Variants in ZMIZ1 observed in about 807,000 individuals in gnomAD.
ZMIZ1 encodes zinc finger MIZ domain-containing protein 1.
Under a neutral mutation model 113.9 loss-of-function variants are expected in ZMIZ1, and 17 were observed. That is an observed-to-expected ratio of 0.15 (90% CI 0.10 to 0.22). The LOEUF is 0.22. Ranked by LOEUF, ZMIZ1 falls within the 10% of genes least tolerant of loss-of-function variation. The pLI is 1.00. For missense variants in ZMIZ1, 1,059 were observed against 1,477.8 expected (o/e 0.72, Z 4.65); for synonymous variants, 607 against 603.1 (o/e 1.01, Z -0.09).
chr10:79,153,158 C>T (rs977947548), intron 3 of ZMIZ1, among the ~76,000 whole-genome samples: 1 of 152,222 alleles, frequency 6.6e-6, no homozygotes. Context: ...CTGGGAAGCC[C>T]CTGGGGAGGC....
chr10:79,259,397 C>T (rs1851117052), intron 7 of ZMIZ1, among the ~76,000 whole-genome samples: 1 of 152,114 alleles, frequency 6.6e-6, no homozygotes, highest in Non-Finnish European at 1.5e-5. Context: ...GAGCCCAACT[C>T]CCCAGAACCC....
intron 7 of ZMIZ1, among the ~76,000 whole-genome samples, chr10:79,219,990 C>A (rs1055749597): frequency 1.3e-5 from 2 of 152,108 alleles, no homozygotes; most frequent in African/African-American, 4.8e-5. Flanking sequence ...CTCTACCTGG[C>A]GGTTTTATTT....
In ZMIZ1 at chr10:79,083,371, G is replaced by A. The variant is rs992814646; in HGVS notation, c.-337+14101G>A. 3.3e-5 allele frequency among the ~76,000 whole-genome samples: 5 copies of A among 152,318 alleles called. No individual in the cohort carries two copies. The South Asian group carries it at 8.3e-4, about 25-fold the overall frequency. Reference sequence around the variant, plus strand: ...GCCCTGTGGCAGATGCTTGTTTGGCGTGGTCTGGGAAAAGCAGGGAGGCCA... The same window carrying A: ...GCCCTGTGGCAGATGCTTGTTTGGCATGGTCTGGGAAAAGCAGGGAGGCCA... On this transcript the variant is annotated intron_variant, in intron 1 of 24. Coordinates refer to ENST00000334512, the MANE Select transcript of ZMIZ1 (RefSeq NM_020338.4).
intron 7 of ZMIZ1, among the ~76,000 whole-genome samples, chr10:79,233,772 T>C (rs1303904607): frequency 1.3e-5 from 1 of 75,732 alleles, no homozygotes; most frequent in Non-Finnish European, 2.5e-5. Flanking sequence ...GCCCAAAGAT[T>C]GGTAGGGAGG....
Position 79,313,138 on chromosome 10 carries a change from C to A in ZMIZ1, c.*389C>A. On this transcript the variant is annotated 3_prime_UTR_variant, in exon 25 of 25. Transcript: ENST00000334512. The stretch of plus-strand genomic sequence containing the variant: ...CCCCAAGGTTCTTCCATCTTCTAGA[C>A]TGTAACCCTGCCTCCCTGCTTCCTG... The A allele has an allele frequency of 5.3e-6, 1 of 187,598 alleles. No individual in the cohort carries two copies. The highest frequency in any genetic ancestry group is 1.1e-5 in the Non-Finnish European group (1 of 89,280). The allele number at this position is 187,598 out of a possible 1,614,324, so 11.6% of individuals were successfully genotyped here.
rs926133572 is a variant in ZMIZ1 at position 79,125,505 on chromosome 10, A to ACTGAGG, written c.-227+6482_-227+6487dup. On this transcript the variant is annotated intron_variant, in intron 2 of 24. Coordinates refer to ENST00000334512, the MANE Select transcript of ZMIZ1 (RefSeq NM_020338.4). ...GTAAAGAGTTTCCTGGGTGTTACTT[A>ACTGAGG]CTGAGGGCGCTTCTCCCTCCCACTG... 7.2e-4 allele frequency among the ~76,000 whole-genome samples: 110 copies of ACTGAGG among 152,256 alleles called. 2 individuals are homozygous for ACTGAGG. Among genetic ancestry groups the ACTGAGG allele is most frequent in the African/African-American group, 2.3e-3 (97 of 41,550 alleles).
chr10:79,072,273 C>T (rs1451244867), intron 1 of ZMIZ1, among the ~76,000 whole-genome samples: 1 of 152,190 alleles, frequency 6.6e-6, no homozygotes, highest in Admixed American at 6.5e-5. Context: ...CACGCACGCG[C>T]GCACGCACAC....
At chr10:79,152,651 G>C (rs1290169299) in intron 3 of ZMIZ1, among the ~76,000 whole-genome samples, 2 of 152,386 alleles carry the variant, frequency 1.3e-5, no homozygotes, top group East Asian at 3.9e-4. Context: ...AGGCAGCACT[G>C]TGGGCTGGTG....
chr10:79,251,883 G>A (rs1850574518), intron 7 of ZMIZ1, among the ~76,000 whole-genome samples: 2 of 152,200 alleles, frequency 1.3e-5, no homozygotes, highest in African/African-American at 2.4e-5. Flanking sequence ...CCAAAACAGA[G>A]AAACGCCCTA....
intron 4 of ZMIZ1, among the ~76,000 whole-genome samples, chr10:79,201,085 A>G (rs1848060158): frequency 6.6e-6 from 1 of 152,108 alleles, no homozygotes; most frequent in African/African-American, 2.4e-5. Context: ...AGGTGGGCGG[A>G]TCACCTGAGG....
rs376830372 is a variant in ZMIZ1, at chr10:79,222,477, C to T, written c.280+6203C>T. Among the ~76,000 whole-genome samples, 5 of 152,282 alleles carry T rather than the reference C, an allele frequency of 3.3e-5. No individual in the cohort carries two copies. The East Asian group carries it at 5.8e-4, about 18-fold the overall frequency. On this transcript the variant is annotated intron_variant, in intron 7 of 24. Transcript: ENST00000334512. ...CCCATCTCAACGCAGCAGCCCGAGT[C>T]CTGGGTCCCATGCAGAGTGGATCGC...
In ZMIZ1 at chr10:79,298,587, G is replaced by T. The variant is rs1564596568; in HGVS notation, c.1666+7G>T. 1 of 1,591,450 alleles carries T rather than the reference G, an allele frequency of 6.3e-7. No individual in the cohort carries two copies. The highest frequency in any genetic ancestry group is 8.5e-7 in the Non-Finnish European group (1 of 1,172,232). The stretch of plus-strand genomic sequence containing the variant: ...GCTCTGCCACCACCCCCAGGTGAGG[G>T]CCCTCCCTCCCTCTCTTGGCAGCTC... On this transcript the variant is annotated splice_region_variant and intron_variant, in intron 15 of 24. Coordinates refer to ENST00000334512, the MANE Select transcript of ZMIZ1 (RefSeq NM_020338.4).
At chr10:79,194,821 C>T (rs1564711226) in intron 4 of ZMIZ1, among the ~76,000 whole-genome samples, 3 of 152,196 alleles carry the variant, frequency 2.0e-5, no homozygotes, top group Admixed American at 6.5e-5. Flanking sequence ...TTGAACTAGT[C>T]TTCTGCACCA....
intron 4 of ZMIZ1, among the ~76,000 whole-genome samples, chr10:79,192,665 G>C (rs1380108467): frequency 6.6e-6 from 1 of 152,190 alleles, no homozygotes; most frequent in Non-Finnish European, 1.5e-5. Context: ...TGTCCCCTAA[G>C]TATTCATTTG....
intron 1 of ZMIZ1, among the ~76,000 whole-genome samples, chr10:79,081,798 C>T (rs575581913): frequency 7.9e-5 from 12 of 152,338 alleles, no homozygotes; most frequent in African/African-American, 2.9e-4. Context: ...TGGGGGCTGT[C>T]GCACGAGTCC....
intron 1 of ZMIZ1, among the ~76,000 whole-genome samples, chr10:79,074,629 A>G (rs1029869737): frequency 6.6e-5 from 10 of 152,072 alleles, no homozygotes; most frequent in South Asian, 2.1e-4. Context: ...TTGGGTTCCT[A>G]TGGTTTCTGT....
intron 3 of ZMIZ1, among the ~76,000 whole-genome samples, chr10:79,148,868 T>C (rs1050695778): frequency 1.8e-4 from 27 of 152,190 alleles, no homozygotes; most frequent in Non-Finnish European, 3.5e-4. Flanking sequence ...CAGTTTCCAA[T>C]TGAGTCCCTC....
chr10:79,223,433 C>T (rs570422503), intron 7 of ZMIZ1, among the ~76,000 whole-genome samples: 4 of 152,204 alleles, frequency 2.6e-5, no homozygotes, highest in Non-Finnish European at 4.4e-5. Flanking sequence ...CTCAGCAAAG[C>T]TGGGATGTTG....
chr10:79,079,155 G>A (rs1047539667), intron 1 of ZMIZ1, among the ~76,000 whole-genome samples: 1 of 152,208 alleles, frequency 6.6e-6, no homozygotes. Context: ...CCACAAATCT[G>A]TTTGTGGTTG....
Sources: allele counts gnomAD v4.1 joint callset (sites outside exome capture counted in the v4.1 genomes callset), GRCh38; gene constraint gnomAD v4.1.1; transcripts MANE v1.5; gene names NCBI Gene and HGNC (gene_info 2026-07-23, HGNC 2026-07-21).